INPPL1: variants seen among roughly 807,000 people sequenced by gnomAD.
INPPL1 encodes inositol polyphosphate phosphatase like 1.
INPPL1 carries 91 observed loss-of-function variants against 139.3 expected under a neutral mutation model. The observed-to-expected ratio is 0.65, with a 90% CI of 0.55 to 0.78. The LOEUF (loss-of-function observed/expected upper bound fraction) is 0.78, where lower values mean the gene tolerates loss of function less well. Ranked by LOEUF, INPPL1 falls within the 30% of genes least tolerant of loss-of-function variation. The pLI is 0.00. For missense variants in INPPL1, 1,411 were observed against 1,665.6 expected, an observed-to-expected ratio of 0.85 and a Z score of 2.66; for synonymous variants, 719 against 686.6, an observed-to-expected ratio of 1.05 and a Z score of -0.74.
At position 72,231,005 on chromosome 11, in the gene INPPL1, C is replaced by T. The variant is rs934630115; in HGVS notation, c.1313C>T (p.Pro438Leu). The stretch of plus-strand genomic sequence containing the variant: ...CCTTCACCTCCAGGAAGTGTACCAC[C>T]TCCAAAAAACGTGACATCCTGGTTC... ...IGTWNMGSVPPPKNVTSWFTS... is the reference protein window; with the variant it reads ...IGTWNMGSVPLPKNVTSWFTS... The change falls in exon 12 of 28, where the codon CCT (proline) becomes CTT (leucine). Residue 438 changes from proline (P) to leucine (L), a missense_variant. Physicochemically the swap from Pro to Leu is moderately conservative, Grantham distance 98. This residue lies in a region of INPPL1 where 504 missense variants were observed against 595.6 expected (regional missense o/e 0.85). Coordinates refer to ENST00000298229, the MANE Select transcript of INPPL1 (RefSeq NM_001567.4). 1.9e-6 allele frequency: 3 copies of T among 1,613,578 alleles called. No individual in the cohort carries two copies. Among genetic ancestry groups the T allele is most frequent in the Non-Finnish European group, 1.7e-6 (2 of 1,179,712 alleles).
At position 72,237,760 on chromosome 11, in the gene INPPL1, C is replaced by T; in HGVS notation, c.3516C>T (p.Arg1172=). The change falls in exon 26 of 28, where the codon CGC becomes CGT. Residue 1172 remains arginine (R), a synonymous_variant. Coordinates refer to ENST00000298229, the MANE Select transcript of INPPL1 (RefSeq NM_001567.4). ...GGCCCCTCAGCTTCCCTCCACCCCG[C>T]ATCCGGGAGAGCATCCAGGAAGACC... ...YGRPLSFPPP[R]IRESIQEDLA... 6.2e-7 allele frequency: 1 copy of T among 1,610,666 alleles called. No homozygotes were observed. The highest frequency in any genetic ancestry group is 8.5e-7 in the Non-Finnish European group (1 of 1,179,018).
Position 72,225,111 on chromosome 11 carries a change from A to C in INPPL1, c.127A>C (p.Ser43Arg). Residue 43 changes from serine to arginine, a missense_variant, in exon 1 of 28, where the codon AGC (serine) becomes CGC (arginine). This residue lies in a region of INPPL1 where 504 missense variants were observed against 595.6 expected (regional missense o/e 0.85). Coordinates refer to ENST00000298229, the MANE Select transcript of INPPL1 (RefSeq NM_001567.4). ...GCTGGCCCGGGCGGGCCGCGATGGC[A>C]GCTTCCTGGTCCGAGACAGCGAGAG... ...ELLARAGRDG[S>R]FLVRDSESVA... 1 of 1,232,746 alleles carries C rather than the reference A, an allele frequency of 8.1e-7. No individual in the cohort carries two copies. The highest frequency in any genetic ancestry group is 1.0e-6 in the Non-Finnish European group (1 of 988,400). The allele number at this position is 1,232,746 out of a possible 1,614,324, so 76.4% of individuals were successfully genotyped here.
rs1253153342 is a variant in INPPL1 at position 72,237,694 on chromosome 11, G to A, written c.3450G>A (p.Leu1150=). The part of the protein sequence containing the change: ...PARSALLPGP[L]ELQPPRGLPS... ...GCTCAGCGCTCCTCCCAGGCCCCCTGGAGCTGCAGCCCCCCCGGGGACTGC... is the reference window on the plus strand; with the variant it reads ...GCTCAGCGCTCCTCCCAGGCCCCCTAGAGCTGCAGCCCCCCCGGGGACTGC... Residue 1150 remains leucine (L), a synonymous_variant, in exon 26 of 28, where the codon CTG becomes CTA. Coordinates refer to ENST00000298229, the MANE Select transcript of INPPL1 (RefSeq NM_001567.4). 1 of 1,611,788 alleles carries A rather than the reference G, an allele frequency of 6.2e-7. No homozygotes were observed. The highest frequency in any genetic ancestry group is 8.5e-7 in the Non-Finnish European group (1 of 1,179,524).
rs1157510970 is a variant in INPPL1 at position 72,229,565 on chromosome 11, T to G, written c.753+7T>G. ...CCGCCTTTTGCAGCAGCAGGTAGAT[T>G]GTAGGGAGACCTCTGGGAGGTGCGT... is the stretch of plus-strand genomic sequence containing the variant. On this transcript the variant is annotated splice_region_variant and intron_variant, in intron 6 of 27. Coordinates refer to ENST00000298229, the MANE Select transcript of INPPL1 (RefSeq NM_001567.4). 1.2e-6 allele frequency: 2 copies of G among 1,613,840 alleles called. No homozygotes were observed. The highest frequency in any genetic ancestry group is 2.2e-5 in the East Asian group (1 of 44,874).
intron 15 of INPPL1, 45 bp downstream of exon 15, chr11:72,232,809 C>T (rs1250209363): frequency 6.2e-7 from 1 of 1,613,782 alleles, no homozygotes; most frequent in Admixed American, 1.7e-5. Context: ...CTAAGGGCCA[C>T]ATGGGCTATC....
intron 1 of INPPL1, among the ~76,000 whole-genome samples, chr11:72,225,785 T>G (rs558321623): frequency 6.6e-6 from 1 of 152,164 alleles, no homozygotes; most frequent in Non-Finnish European, 1.5e-5. Flanking sequence ...TGAGCCCTGG[T>G]TACCTGGCTG....
Position 72,238,428 on chromosome 11 carries a change from A to G in INPPL1, c.*75A>G, listed in dbSNP as rs1949064809. On this transcript the variant is annotated 3_prime_UTR_variant, in exon 28 of 28. Transcript: ENST00000298229. Reference sequence around the variant, plus strand: ...AGGCCCAGCTATGGCCCCAGGGTTGAAAAGTTATGAGGGTCAGGGCAGTAT... The same window carrying G: ...AGGCCCAGCTATGGCCCCAGGGTTGGAAAGTTATGAGGGTCAGGGCAGTAT... 7.6e-7 allele frequency: 1 copy of G among 1,308,480 alleles called. No individual in the cohort carries two copies. The highest frequency in any genetic ancestry group is 1.0e-6 in the Non-Finnish European group (1 of 963,650). 81.1% of individuals were successfully genotyped at this position (1,308,480 alleles called of 1,614,324 possible).
rs1248498734 is a variant in INPPL1 at position 72,234,462 on chromosome 11, C to G, written c.2327-65C>G. The G allele has an allele frequency of 3.8e-6, 6 of 1,591,806 alleles. No homozygotes were observed. The highest frequency in any genetic ancestry group is 2.7e-5 in the African/African-American group (2 of 74,346). On this transcript the variant is annotated intron_variant, in intron 20 of 27. Coordinates refer to ENST00000298229, the MANE Select transcript of INPPL1 (RefSeq NM_001567.4). This position sits in a 1 kb window ranked among gnomAD's most constrained non-coding sequence, Gnocchi z 4.2. ...GGAGGCAAGAGGGTGCAGTCAGCCCCCTACTTAGGGGGAAAGGAAGCTGAG... is the reference window on the plus strand; with the variant it reads ...GGAGGCAAGAGGGTGCAGTCAGCCCGCTACTTAGGGGGAAAGGAAGCTGAG...
chr11:72,226,146 G>A (rs1486219296), intron 1 of INPPL1, among the ~76,000 whole-genome samples: 4 of 151,264 alleles, frequency 2.6e-5, no homozygotes, highest in South Asian at 4.2e-4. Context: ...ATCTTTGGTC[G>A]GGGCGCACAT....
Position 72,235,087 on chromosome 11 carries a change from GTTCC to G in INPPL1, c.2416-27_2416-24del. The G allele has an allele frequency of 6.3e-7, 1 of 1,585,958 alleles. No homozygotes were observed. Among genetic ancestry groups the G allele is most frequent in the Non-Finnish European group, 8.6e-7 (1 of 1,159,838 alleles). On this transcript the variant is annotated intron_variant, in intron 21 of 27. Coordinates refer to ENST00000298229, the MANE Select transcript of INPPL1 (RefSeq NM_001567.4). This position sits in a 1 kb window ranked among gnomAD's most constrained non-coding sequence, Gnocchi z 4.9. ...GGGCAGGAGGAAGTGGCGGGGCTTT[GTTCC>G]TCACTGGGCCTCCCTGCTTCCCAGC...
At chr11:72,225,373 G>T (rs1948641694) in intron 1 of INPPL1, 1 of 985,352 alleles carries the variant, frequency 1.0e-6, no homozygotes, top group Non-Finnish European at 1.2e-6. Context: ...ACTTTCAGGA[G>T]CCTTGAGGGT....
In INPPL1 at chr11:72,234,129, C is replaced by T; in HGVS notation, c.2213-152C>T. 1.6e-6 allele frequency: 1 copy of T among 636,196 alleles called. No individual in the cohort carries two copies. The highest frequency in any genetic ancestry group is 1.8e-5 in the African/African-American group (1 of 54,614). The allele number at this position is 636,196 out of a possible 1,614,324, so 39.4% of individuals were successfully genotyped here. A position where few individuals can be genotyped will look rare whatever the true frequency, so the allele number is the denominator to read the frequency against. The stretch of plus-strand genomic sequence containing the variant: ...GTCCAGGGTCTGGCCTCTGGAGATT[C>T]CCTGTTGGTGGCTTGGGACTGGGGA... On this transcript the variant is annotated intron_variant, in intron 19 of 27. Coordinates refer to ENST00000298229, the MANE Select transcript of INPPL1 (RefSeq NM_001567.4). The surrounding 1 kb of genome is among the most constrained non-coding windows in gnomAD (Gnocchi z 4.2).
Position 72,230,848 on chromosome 11 carries a change from A to C in INPPL1, c.1250A>C (p.Lys417Thr). ...CAGCTCATGAAGAACAAGCACTCCA[A>C]GCAGGACGAGCCCGACATGATCTCA... ...LLQLMKNKHS[K>T]QDEPDMISVF... Residue 417 changes from lysine (K) to threonine (T), a missense_variant, in exon 11 of 28, where the codon AAG becomes ACG. By Grantham distance (78) the Lys-to-Thr change is moderately conservative. Transcript: ENST00000298229. 6.2e-7 allele frequency: 1 copy of C among 1,614,032 alleles called. No individual in the cohort carries two copies. Among genetic ancestry groups the C allele is most frequent in the Non-Finnish European group, 8.5e-7 (1 of 1,179,998 alleles).
In INPPL1 at chr11:72,230,910, G is replaced by C. The variant is rs70940826; in HGVS notation, c.1300+12G>C. ...CACCTGGAACATGGGTCAGGCCCGG[G>C]CTGGGGCTGGGGCGGGAGAGAGGGA... On this transcript the variant is annotated intron_variant, in intron 11 of 27. Transcript: ENST00000298229. 6 of 1,613,640 alleles carry C rather than the reference G, an allele frequency of 3.7e-6. No individual in the cohort carries two copies. In the African/African-American group the frequency reaches 6.7e-5, roughly 18 times the overall value.
rs375961815 is a variant in INPPL1 at position 72,230,074 on chromosome 11, C to T, written c.940-47C>T. On this transcript the variant is annotated intron_variant, in intron 8 of 27. Coordinates refer to ENST00000298229, the MANE Select transcript of INPPL1 (RefSeq NM_001567.4). ...AGGGTGGTTGGAGGTGACCAGGGTG[C>T]TGCCTACTCCAAGGTCTTGTCAGCA... 1.2e-4 allele frequency: 193 copies of T among 1,613,558 alleles called. 2 individuals are homozygous for T. The South Asian group carries it at 2.0e-3, about 17-fold the overall frequency.
In INPPL1 at chr11:72,232,562, A is replaced by G. The variant is rs986325807; in HGVS notation, c.1713-64A>G. The G allele has an allele frequency of 3.0e-5, 48 of 1,579,958 alleles. No individual in the cohort carries two copies. In the African/African-American group the frequency reaches 3.8e-4, roughly 12 times the overall value. On this transcript the variant is annotated intron_variant, in intron 14 of 27. Coordinates refer to ENST00000298229, the MANE Select transcript of INPPL1 (RefSeq NM_001567.4). ...CCTGAGACTTCTTCCCTTTATGCCT[A>G]TCCCTGACTTCTGGCCCTGACCCTG...
Position 72,235,452 on chromosome 11 carries a change from G to A in INPPL1, c.2659+1G>A. On this transcript the variant is annotated splice_donor_variant, in intron 23 of 27. Coordinates refer to ENST00000298229, the MANE Select transcript of INPPL1 (RefSeq NM_001567.4). LOFTEE classifies it high-confidence loss of function. This position sits in a 1 kb window ranked among gnomAD's most constrained non-coding sequence, Gnocchi z 4.9. The stretch of plus-strand genomic sequence containing the variant: ...CTGGGCACCCGTGAGCGGCTCTACG[G>A]TGGGGACTCCACTGGGACATGAGAT... 1 of 1,611,658 alleles carries A rather than the reference G, an allele frequency of 6.2e-7. No homozygotes were observed.
At position 72,234,267 on chromosome 11, in the gene INPPL1, C is replaced by G. The variant is rs755543022; in HGVS notation, c.2213-14C>G. On this transcript the variant is annotated splice_polypyrimidine_tract_variant and intron_variant, in intron 19 of 27. Transcript: ENST00000298229. This position sits in a 1 kb window ranked among gnomAD's most constrained non-coding sequence, Gnocchi z 4.2. ...TCTCAGTCCTCCTGTTTGTTCTCCT[C>G]CCTTTCTCCTCAGGGCTCTCAAAGA... 1 of 1,587,162 alleles carries G rather than the reference C, an allele frequency of 6.3e-7. No individual in the cohort carries two copies. Among genetic ancestry groups the G allele is most frequent in the Non-Finnish European group, 8.7e-7 (1 of 1,155,752 alleles).
Position 72,231,670 on chromosome 11 carries a change from C to T in INPPL1, c.1615+55C>T, listed in dbSNP as rs535592122. 12 of 1,253,990 alleles carry T rather than the reference C, an allele frequency of 9.6e-6. No homozygotes were observed. The South Asian group carries it at 1.3e-4, about 14-fold the overall frequency. 77.7% of individuals were successfully genotyped at this position (1,253,990 alleles called of 1,614,324 possible). On this transcript the variant is annotated intron_variant, in intron 13 of 27. Coordinates refer to ENST00000298229, the MANE Select transcript of INPPL1 (RefSeq NM_001567.4). Reference sequence around the variant, plus strand: ...GGCAGCGTCTCTCTGTCCATGGCTTCTGCTTCCTCTCAAGCCTAGGATTGC... The same window carrying T: ...GGCAGCGTCTCTCTGTCCATGGCTTTTGCTTCCTCTCAAGCCTAGGATTGC...
Sources: gnomAD v4.1 joint callset for allele counts (sites outside exome capture counted in the v4.1 genomes callset) on GRCh38, gnomAD v4.1.1 for gene constraint, gnomAD v4.1.1 regional missense constraint, Gnocchi (gnomAD v3.1) non-coding constraint, MANE v1.5 for transcripts, NCBI Gene and HGNC (gene_info 2026-07-23, HGNC 2026-07-21) for gene names.